ABCB4: variants seen among roughly 807,000 people sequenced by gnomAD.
ABCB4 encodes the protein phosphatidylcholine translocator ABCB4.
Under a neutral mutation model 145.7 loss-of-function variants are expected in ABCB4, and 76 were observed. The ratio of observed to expected loss-of-function variants is 0.52; its 90% CI spans 0.43 to 0.63. The LOEUF (loss-of-function observed/expected upper bound fraction) is 0.63. Ranked by LOEUF, ABCB4 falls within the 30% of genes least tolerant of loss-of-function variation. The pLI, the probability that ABCB4 is intolerant of heterozygous loss-of-function variation, is 0.00. For synonymous variants in ABCB4, 517 were observed against 566.8 expected (o/e 0.91, Z 1.25); for missense variants, 1,234 against 1,553.1 (o/e 0.79, Z 3.45).
chr7:87,444,110 G>A (rs1363050180), intron 10 of ABCB4, among the ~76,000 whole-genome samples: 1 of 151,944 alleles, frequency 6.6e-6, no homozygotes, highest in Non-Finnish European at 1.5e-5. Flanking sequence ...TGCTATAATT[G>A]ATATATATTA....
rs201173706 is a variant in ABCB4 at position 87,440,419 on chromosome 7, T to C, written c.1357-17A>G. On this transcript the variant is annotated splice_polypyrimidine_tract_variant and intron_variant, in intron 12 of 27. Transcript: ENST00000649586. ...AATGTTAATCTGAAAGAAAGAAATA[T>C]TTCCTATTAAGTATTTAACCATTTA... is the stretch of plus-strand genomic sequence containing the variant. The C allele has an allele frequency of 2.5e-4, 404 of 1,606,664 alleles. 2 individuals carry two copies. The highest frequency in any genetic ancestry group is 1.7e-4 in the Non-Finnish European group (200 of 1,173,532).
chr7:87,471,116 C>CA (rs1211393682), intron 3 of ABCB4, among the ~76,000 whole-genome samples: 4 of 147,920 alleles, frequency 2.7e-5, no homozygotes, highest in African/African-American at 1.0e-4. Context: ...ATCGCAAGGA[C>CA]AAAAAACCAA....
the ABCB4 span, among the ~76,000 whole-genome samples, chr7:87,370,325 G>A: frequency 6.6e-6 from 1 of 152,064 alleles, no homozygotes; most frequent in Non-Finnish European, 1.5e-5. Context: ...TAGGATTATA[G>A]GTGCGCACCA....
the ABCB4 span, chr7:87,392,789 C>G: frequency 6.2e-7 from 1 of 1,613,592 alleles, no homozygotes; most frequent in Non-Finnish European, 8.5e-7. Flanking sequence ...TCTTCCTGTT[C>G]CAGAACTCTT....
chr7:87,418,064 G>A (rs1226870903), intron 20 of ABCB4, among the ~76,000 whole-genome samples: 1 of 152,202 alleles, frequency 6.6e-6, no homozygotes, highest in African/African-American at 2.4e-5. Flanking sequence ...GCAGTGAGCT[G>A]CAAAGTAACC....
intron 25 of ABCB4, among the ~76,000 whole-genome samples, chr7:87,406,924 G>T (rs1808241794): frequency 6.6e-6 from 1 of 152,134 alleles, no homozygotes; most frequent in East Asian, 1.9e-4. Context: ...GGCCCCAAAA[G>T]CTGGTTGACT....
intron 12 of ABCB4, among the ~76,000 whole-genome samples, chr7:87,441,733 G>C (rs1309371767): frequency 6.6e-6 from 1 of 152,032 alleles, no homozygotes; most frequent in Non-Finnish European, 1.5e-5. Context: ...CAAGTAGCTA[G>C]GACTATGGGT....
upstream of ABCB4, chr7:87,475,711 C>T (rs1472028886): frequency 4.5e-6 from 2 of 445,228 alleles, no homozygotes; most frequent in African/African-American, 4.2e-5. Context: ...TTGCTCGCCG[C>T]GGCCTCGCCC....
chr7:87,413,540 T>A lies in ABCB4; in HGVS notation c.2783+77A>T. On this transcript the variant is annotated intron_variant, in intron 22 of 27. Coordinates refer to ENST00000649586, the MANE Select transcript of ABCB4 (RefSeq NM_000443.4). ...ATATCATTGTTTGGAGCAGCAGAGC[T>A]TTTATTATCTTTTTGGGACAATAAT... The A allele has an allele frequency of 6.2e-6, 6 of 964,332 alleles. No homozygotes were observed. In the South Asian group the frequency reaches 7.8e-5, roughly 12 times the overall value. The allele number at this position is 964,332 out of a possible 1,614,324, so 59.7% of individuals were successfully genotyped here. A position where few individuals can be genotyped will look rare whatever the true frequency, so the allele number is the denominator to read the frequency against.
rs1811863960 is a variant in ABCB4, at chr7:87,453,092, C to A, written c.388G>T (p.Ala130Ser). Residue 130 changes from alanine (A) to serine (S), a missense_variant, in exon 6 of 28, where the codon GCT becomes TCT. By Grantham distance (99) the Ala-to-Ser change is moderately conservative. Around this residue, in one of 7 missense-constraint regions of ABCB4, gnomAD observed 467 missense variants for 632.8 expected, o/e 0.74. Coordinates refer to ENST00000649586, the MANE Select transcript of ABCB4 (RefSeq NM_000443.4). ...CAAAATGAAACTTGTATATAGGCAGCAACAAGAACTCCAGCACCCAATCCT... is the reference window on the plus strand; with the variant it reads ...CAAAATGAAACTTGTATATAGGCAGAAACAAGAACTCCAGCACCCAATCCT... The part of the protein sequence containing the change: ...YSGLGAGVLV[A>S]AYIQVSFWTL... 1 of 1,613,942 alleles carries A rather than the reference C, an allele frequency of 6.2e-7. No homozygotes were observed.
At chr7:87,411,675 T>G (rs1258445184) in intron 23 of ABCB4, among the ~76,000 whole-genome samples, 1 of 152,208 alleles carries the variant, frequency 6.6e-6, no homozygotes, top group Non-Finnish European at 1.5e-5. Flanking sequence ...TGCTTTCTGA[T>G]CATTTTCATA....
intron 13 of ABCB4, 58 bp downstream of exon 13, chr7:87,440,141 T>C: frequency 6.5e-7 from 1 of 1,546,556 alleles, no homozygotes; most frequent in East Asian, 2.2e-5. Context: ...AAGAATAAAC[T>C]CAGTCCTATG....
intron 16 of ABCB4, among the ~76,000 whole-genome samples, chr7:87,425,509 C>G (rs1358375929): frequency 6.6e-6 from 1 of 152,074 alleles, no homozygotes; most frequent in African/African-American, 2.4e-5. Flanking sequence ...CAGATAAAAA[C>G]AGATGCAATA....
chr7:87,439,381 G>A (rs1810819494), intron 14 of ABCB4, among the ~76,000 whole-genome samples: 1 of 152,048 alleles, frequency 6.6e-6, no homozygotes, highest in Non-Finnish European at 1.5e-5. Context: ...ACTACTTTTG[G>A]TCAAAAGTAG....
the ABCB4 span, among the ~76,000 whole-genome samples, chr7:87,379,110 AC>A: frequency 6.6e-6 from 1 of 152,012 alleles, no homozygotes; most frequent in African/African-American, 2.4e-5. Context: ...CTTGCAAACT[AC>A]CCTTTGTAAG....
At chr7:87,383,582 A>G in the ABCB4 span, among the ~76,000 whole-genome samples, 7 of 148,588 alleles carry the variant, frequency 4.7e-5, no homozygotes, top group East Asian at 9.9e-4. Flanking sequence ...TGCAACCTCT[A>G]CCTCCTGGGT....
chr7:87,420,959 C>T (rs1262196346), intron 18 of ABCB4, among the ~76,000 whole-genome samples: 1 of 152,172 alleles, frequency 6.6e-6, no homozygotes, highest in Non-Finnish European at 1.5e-5. Context: ...CATTTTGGCT[C>T]ATGCAGTGTA....
At chr7:87,448,527 G>A (rs1811495081) in intron 8 of ABCB4, 3 of 152,292 alleles carry the variant, frequency 2.0e-5, no homozygotes, top group Non-Finnish European at 4.4e-5. Flanking sequence ...CTGTGTGGCT[G>A]AGCCTCAAGG....
chr7:87,382,235 T>C, the ABCB4 span: 1 of 1,490,568 alleles, frequency 6.7e-7, no homozygotes, highest in Non-Finnish European at 9.3e-7. Flanking sequence ...TTAACAACCA[T>C]ATGTAAAAAT....
Sources: gnomAD v4.1 joint callset for allele counts (sites outside exome capture counted in the v4.1 genomes callset) on GRCh38, gnomAD v4.1.1 for gene constraint, gnomAD v4.1.1 regional missense constraint, MANE v1.5 for transcripts, NCBI Gene and HGNC (gene_info 2026-07-23, HGNC 2026-07-21) for gene names.